SH3BP4: variants seen among roughly 807,000 people sequenced by gnomAD.
The protein encoded by SH3BP4 is SH3 domain-binding protein 4.
A neutral mutation model predicts 65.5 loss-of-function variants in SH3BP4; 33 were observed. That is an observed-to-expected ratio of 0.50 (90% confidence interval 0.38 to 0.67). The LOEUF is 0.67. Ranked by LOEUF, SH3BP4 falls within the 30% of genes least tolerant of loss-of-function variation. The probability of loss-of-function intolerance (pLI) is 0.00; values close to 1 mark genes in which losing one functional copy is unlikely to be tolerated. For synonymous variants in SH3BP4, 552 were observed against 545.5 expected (o/e 1.01, Z -0.17); for missense variants, 1,134 against 1,261.4 (o/e 0.90, Z 1.53).
chr2:234,962,906 A>T (rs1019992919), intron 1 of SH3BP4, among the ~76,000 whole-genome samples: 1 of 152,056 alleles, frequency 6.6e-6, no homozygotes, highest in African/African-American at 2.4e-5. Context: ...GTAGAGACAC[A>T]GTTTCTACTA....
intron 2 of SH3BP4, among the ~76,000 whole-genome samples, chr2:235,022,036 T>C (rs528864462): frequency 3.9e-5 from 6 of 152,248 alleles, no homozygotes; most frequent in African/African-American, 1.4e-4. Flanking sequence ...TAGATGTGAA[T>C]GTTTATTGAA....
Position 234,978,718 on chromosome 2 carries a change from A to T in SH3BP4, c.-206-16585A>T, listed in dbSNP as rs1180696603. The T allele has an allele frequency of 1.3e-5, 2 of 151,950 alleles. No individual in the cohort carries two copies. Among genetic ancestry groups the T allele is most frequent in the Non-Finnish European group, 2.9e-5 (2 of 67,986 alleles). 9.4% of individuals were successfully genotyped at this position (151,950 alleles called of 1,614,324 possible). ...AGGGACAACTGAAACAGAGACAAGCACCCCAACAGTAGGGTGCTTCGAGGT... is the reference window on the plus strand; with the variant it reads ...AGGGACAACTGAAACAGAGACAAGCTCCCCAACAGTAGGGTGCTTCGAGGT... On this transcript the variant is annotated intron_variant, in intron 1 of 5. Transcript: ENST00000392011. This position sits in a 1 kb window ranked among gnomAD's most constrained non-coding sequence, Gnocchi z 4.1.
chr2:235,042,339 TG>T lies in SH3BP4; in HGVS notation c.1575del (p.Lys526SerfsTer20), dbSNP rs71062382. The T allele has an allele frequency of 6.2e-7, 1 of 1,613,994 alleles. No individual in the cohort carries two copies. Among genetic ancestry groups the T allele is most frequent in the Non-Finnish European group, 8.5e-7 (1 of 1,180,016 alleles). On this transcript the variant is annotated frameshift_variant, in exon 4 of 6. Transcript: ENST00000392011. LOFTEE classifies it high-confidence loss of function. This position sits in a 1 kb window ranked among gnomAD's most constrained non-coding sequence, Gnocchi z 7.3. The stretch of plus-strand genomic sequence containing the variant: ...CCCTGCCCCGGTGGCCCTGCAGCTG[TG>T]GGGGAAGCACCAGTTCGTTTTGTCC... ...PNPAPVALQLWGKHQFVLSRP... is the reference protein window; with the variant it reads ...PNPAPVALQLXGKHQFVLSRP...
At chr2:235,015,048 A>G (rs1461631941) in intron 2 of SH3BP4, among the ~76,000 whole-genome samples, 2 of 152,234 alleles carry the variant, frequency 1.3e-5, no homozygotes, top group Admixed American at 6.5e-5. Flanking sequence ...ACAAATGCAA[A>G]TAAGGTGCAG....
At chr2:235,023,472 G>A (rs181973873) in intron 2 of SH3BP4, among the ~76,000 whole-genome samples, 39 of 152,252 alleles carry the variant, frequency 2.6e-4, no homozygotes, top group Middle Eastern at 3.4e-3. Context: ...GCCTGAACCC[G>A]GGTGGTGGGG....
intron 3 of SH3BP4, among the ~76,000 whole-genome samples, chr2:235,036,740 A>AAAAAAAAAATAAAAAAATAATAAT (rs146049108): frequency 7.1e-6 from 1 of 141,740 alleles, no homozygotes; most frequent in African/African-American, 2.7e-5. Flanking sequence ...TCTATATAAA[A>AAAAAAAAAATAAAAAAATAATAAT]AATAATAATA....
chr2:234,987,010 G>C (rs1468837729), intron 1 of SH3BP4, among the ~76,000 whole-genome samples: 1 of 151,832 alleles, frequency 6.6e-6, no homozygotes, highest in East Asian at 1.9e-4. Context: ...GACCTCAAGG[G>C]ATCCACCCGT....
At chr2:235,049,043 G>A (rs975069137) in intron 4 of SH3BP4, among the ~76,000 whole-genome samples, 1 of 152,228 alleles carries the variant, frequency 6.6e-6, no homozygotes, top group African/African-American at 2.4e-5. Context: ...GTTATGCCTT[G>A]TTGATGGTGT....
intron 2 of SH3BP4, among the ~76,000 whole-genome samples, chr2:234,999,078 C>CGCTGCAAAT (rs1407343355): frequency 2.0e-5 from 3 of 152,280 alleles, no homozygotes; most frequent in African/African-American, 7.2e-5. Context: ...GTGAATAAAC[C>CGCTGCAAAT]GCTGCAAATG....
intron 4 of SH3BP4, among the ~76,000 whole-genome samples, chr2:235,049,661 T>G (rs1695981650): frequency 6.6e-6 from 1 of 152,248 alleles, no homozygotes; most frequent in Non-Finnish European, 1.5e-5. Context: ...ACAATTTGTT[T>G]TGAATATATC....
At chr2:234,998,542 G>C (rs1490548420) in intron 2 of SH3BP4, among the ~76,000 whole-genome samples, 3 of 152,242 alleles carry the variant, frequency 2.0e-5, no homozygotes, top group African/African-American at 7.2e-5. Flanking sequence ...TGTGTTTGGT[G>C]AGCTTTTTGT....
In SH3BP4 at chr2:235,052,515, GC is replaced by G; in HGVS notation, c.2479-43del. 1 of 1,449,920 alleles carries G rather than the reference GC, an allele frequency of 6.9e-7. No homozygotes were observed. The highest frequency in any genetic ancestry group is 1.4e-5 in the South Asian group (1 of 72,214). 89.8% of individuals were successfully genotyped at this position (1,449,920 alleles called of 1,614,324 possible). A position where few individuals can be genotyped will look rare whatever the true frequency, so the allele number is the denominator to read the frequency against. On this transcript the variant is annotated intron_variant, in intron 4 of 5. Transcript: ENST00000392011. This position sits in a 1 kb window ranked among gnomAD's most constrained non-coding sequence, Gnocchi z 5.0. ...TGGAATTCTGCGGGGAGCAGAGCCTGCCCCACTCCCTACACTGTCTCACGCT... is the reference window on the plus strand; with the variant it reads ...TGGAATTCTGCGGGGAGCAGAGCCTGCCCACTCCCTACACTGTCTCACGCT...
rs921626775 is a variant in SH3BP4 at position 234,976,296 on chromosome 2, G to A, written c.-206-19007G>A. Among the ~76,000 whole-genome samples, 4 of 152,282 alleles carry A rather than the reference G, an allele frequency of 2.6e-5. No homozygotes were observed. The East Asian group carries it at 7.7e-4, about 29-fold the overall frequency. ...TATCTGGGCCCTTCTCCTAAAAATT[G>A]CCTTTTTATAAATGCAGGCCAGGCT... On this transcript the variant is annotated intron_variant, in intron 1 of 5. Transcript: ENST00000392011. This position sits in a 1 kb window ranked among gnomAD's most constrained non-coding sequence, Gnocchi z 4.7.
chr2:234,972,728 A>T (rs529481273), intron 1 of SH3BP4, among the ~76,000 whole-genome samples: 2 of 152,332 alleles, frequency 1.3e-5, no homozygotes, highest in East Asian at 3.9e-4. Context: ...TTGTTAAAAA[A>T]AAATAAATAA....
rs981328178 is a variant in SH3BP4, at chr2:235,026,837, C to T, written c.-132-8034C>T. On this transcript the variant is annotated intron_variant, in intron 2 of 5. Coordinates refer to ENST00000392011, the MANE Select transcript of SH3BP4 (RefSeq NM_014521.3). This position sits in a 1 kb window ranked among gnomAD's most constrained non-coding sequence, Gnocchi z 4.6. ...GAGGGGCACTGTGAGTGAGTCTGAT[C>T]GGCTGGCGTGCCTGTCGGTGGCTGC... Among the ~76,000 whole-genome samples, 1 of 152,116 alleles carries T rather than the reference C, an allele frequency of 6.6e-6. No homozygotes were observed. Among genetic ancestry groups the T allele is most frequent in the Non-Finnish European group, 1.5e-5 (1 of 68,014 alleles).
intron 1 of SH3BP4, among the ~76,000 whole-genome samples, chr2:234,970,576 C>T (rs1364414366): frequency 1.3e-5 from 2 of 152,158 alleles, no homozygotes; most frequent in Non-Finnish European, 2.9e-5. Flanking sequence ...ATAATAAAAG[C>T]CTTTGTAGTC....
chr2:234,993,096 C>T (rs889972523), intron 1 of SH3BP4, among the ~76,000 whole-genome samples: 4 of 152,320 alleles, frequency 2.6e-5, no homozygotes, highest in Middle Eastern at 3.4e-3. Context: ...TTCTGGGGAG[C>T]GCCCGGTGGG....
At chr2:234,980,556 CAA>C (rs1444352273) in intron 1 of SH3BP4, among the ~76,000 whole-genome samples, 1 of 152,166 alleles carries the variant, frequency 6.6e-6, no homozygotes, top group Non-Finnish European at 1.5e-5. Flanking sequence ...CCTTTGCTAT[CAA>C]AAACCACACT....
chr2:235,024,619 A>G (rs536128752), intron 2 of SH3BP4, among the ~76,000 whole-genome samples: 3 of 152,286 alleles, frequency 2.0e-5, no homozygotes, highest in East Asian at 3.9e-4. Context: ...GCCCCTTTCA[A>G]TAAAAGTGAG....
Sources: allele counts gnomAD v4.1 joint callset (sites outside exome capture counted in the v4.1 genomes callset), GRCh38; gene constraint gnomAD v4.1.1; non-coding constraint Gnocchi (gnomAD v3.1); transcripts MANE v1.5; gene names NCBI Gene and HGNC (gene_info 2026-07-23, HGNC 2026-07-21).